Variants in CD44 observed in about 807,000 individuals in gnomAD.
CD44 encodes the protein CD44 antigen.
A neutral mutation model predicts 88.8 loss-of-function variants in CD44; 49 were observed. The observed-to-expected ratio is 0.55, with a 90% confidence interval of 0.44 to 0.70. The LOEUF (loss-of-function observed/expected upper bound fraction) is 0.70. CD44 is among the 30% of genes least tolerant of loss of function. The pLI, the probability that CD44 is intolerant of heterozygous loss-of-function variation, is 0.00. For synonymous variants in CD44, 325 were observed against 312.3 expected (o/e 1.04, Z -0.43); for missense variants, 883 against 913.8 (o/e 0.97, Z 0.43).
intron 5 of CD44, among the ~76,000 whole-genome samples, chr11:35,194,622 C>T (rs548690822): frequency 3.9e-5 from 6 of 152,290 alleles, no homozygotes; most frequent in South Asian, 2.1e-4. Context: ...TCCATTATCA[C>T]GTCAAATCTC....
intron 13 of CD44, chr11:35,210,328 T>C (rs1948273417): frequency 9.3e-6 from 2 of 214,626 alleles, no homozygotes; most frequent in Non-Finnish European, 1.8e-5. Context: ...TGCTTATATA[T>C]GATTTATTTT....
intron 16 of CD44, among the ~76,000 whole-genome samples, chr11:35,219,677 C>T (rs1949128827): frequency 2.0e-5 from 3 of 152,172 alleles, no homozygotes; most frequent in Non-Finnish European, 4.4e-5. Flanking sequence ...AGCTTCCTTC[C>T]TAAATGAATG....
At chr11:35,225,421 CTG>C (rs1949630212) in intron 17 of CD44, among the ~76,000 whole-genome samples, 1 of 152,210 alleles carries the variant, frequency 6.6e-6, no homozygotes, top group South Asian at 2.1e-4. Context: ...TCCTTCCACA[CTG>C]TGTGATTGCT....
chr11:35,166,249 G>A (rs1274663422), intron 1 of CD44, among the ~76,000 whole-genome samples: 1 of 152,252 alleles, frequency 6.6e-6, no homozygotes, highest in South Asian at 2.1e-4. Context: ...ACACACAGGG[G>A]TGGGTACTGT....
chr11:35,173,623 T>C (rs1475634158), intron 1 of CD44, among the ~76,000 whole-genome samples: 2 of 152,220 alleles, frequency 1.3e-5, no homozygotes, highest in East Asian at 3.8e-4. Context: ...CTTTTCAAGT[T>C]CCATTTCTTG....
chr11:35,164,485 A>G (rs1341885233), intron 1 of CD44, among the ~76,000 whole-genome samples: 2 of 152,248 alleles, frequency 1.3e-5, no homozygotes, highest in Non-Finnish European at 2.9e-5. Context: ...AGAGGAAAGA[A>G]AATCAAATTT....
intron 1 of CD44, among the ~76,000 whole-genome samples, chr11:35,152,571 T>C (rs1249418467): frequency 6.6e-6 from 1 of 152,222 alleles, no homozygotes; most frequent in Non-Finnish European, 1.5e-5. Flanking sequence ...TGAAAGTGTT[T>C]TGTGCTAGTA....
intron 14 of CD44, chr11:35,213,701 GTGATGGTGATGGTGATGGTGATAA>G (rs1406705821): frequency 6.6e-6 from 1 of 152,132 alleles, no homozygotes; most frequent in African/African-American, 2.4e-5. Flanking sequence ...GGTGGTGGTG[GTGATGGTGATGGTGATGGTGATAA>G]TGATGGTGAT....
intron 11 of CD44, among the ~76,000 whole-genome samples, chr11:35,206,938 T>G (rs1047643061): frequency 6.6e-6 from 1 of 152,192 alleles, no homozygotes; most frequent in Non-Finnish European, 1.5e-5. Flanking sequence ...ATTAATTCTA[T>G]GTACTGATGA....
At chr11:35,186,950 GCT>G in intron 4 of CD44, 50 bp downstream of exon 4, 1 of 1,071,502 alleles carries the variant, frequency 9.3e-7, no homozygotes, top group African/African-American at 1.6e-5. Context: ...TGGGGAAAGG[GCT>G]CAGGTGTGTT....
At chr11:35,211,548 A>G (rs921624373) in intron 14 of CD44, 99 bp downstream of exon 14, 23 of 843,070 alleles carry the variant, frequency 2.7e-5, no homozygotes, top group Non-Finnish European at 3.8e-5. Context: ...CTGGGATTGG[A>G]CTAGTTTGTG....
At chr11:35,191,663 C>T (rs1242271384) in intron 5 of CD44, among the ~76,000 whole-genome samples, 7 of 152,164 alleles carry the variant, frequency 4.6e-5, no homozygotes, top group Non-Finnish European at 7.4e-5. Context: ...TACCACTTCC[C>T]ACCAAAGAAG....
rs1308126149 is a variant in CD44 at position 35,206,248 on chromosome 11, T to C, written c.1414+5T>C. 1.3e-6 allele frequency: 2 copies of C among 1,593,598 alleles called. No individual in the cohort carries two copies. Among genetic ancestry groups the C allele is most frequent in the East Asian group, 2.3e-5 (1 of 44,294 alleles). The stretch of plus-strand genomic sequence containing the variant: ...ATCAAGCAGGAAGAAGGATGGGTAA[T>C]AGCCTCTGAGATTTTTATATATTAT... On this transcript the variant is annotated splice_donor_5th_base_variant and intron_variant, in intron 11 of 17. Transcript: ENST00000428726.
In CD44 at chr11:35,210,004, G is replaced by A; in HGVS notation, c.1556G>A (p.Gly519Asp). The A allele has an allele frequency of 6.4e-7, 1 of 1,573,048 alleles. No individual in the cohort carries two copies. Among genetic ancestry groups the A allele is most frequent in the East Asian group, 2.4e-5 (1 of 41,674 alleles). Residue 519 changes from glycine to aspartate, a missense_variant, in exon 13 of 18, where the codon GGC becomes GAC. Physicochemically the swap from Gly to Asp is moderately conservative, Grantham distance 94. Coordinates refer to ENST00000428726, the MANE Select transcript of CD44 (RefSeq NM_000610.4). ...CAGAGCTTCTCTACATCACATGAAG[G>A]CTTGGAAGAAGATAAAGACCATCCA... The part of the protein sequence containing the change: ...NSQSFSTSHE[G>D]LEEDKDHPTT...
At chr11:35,228,341 C>T (rs886273957) in intron 17 of CD44, among the ~76,000 whole-genome samples, 1 of 152,178 alleles carries the variant, frequency 6.6e-6, no homozygotes, top group Non-Finnish European at 1.5e-5. Context: ...GTTAGGAAAA[C>T]ATCACTATGG....
Position 35,214,871 on chromosome 11 carries a change from C to A in CD44, c.1830C>A (p.His610Gln). The change falls in exon 15 of 18, where the codon CAC becomes CAA. Residue 610 changes from histidine (H) to glutamine (Q), a missense_variant. This residue lies in a region of CD44 where 631 missense variants were observed against 590.9 expected (regional missense o/e 1.07). Transcript: ENST00000428726. Reference sequence around the variant, plus strand: ...TTACAGGAGACCAAGACACATTCCACCCCAGTGGGGGGTCCCATACCACTC... The same window carrying A: ...TTACAGGAGACCAAGACACATTCCAACCCAGTGGGGGGTCCCATACCACTC... ...RSLSGDQDTF[H>Q]PSGGSHTTHG... The A allele has an allele frequency of 6.4e-7, 1 of 1,556,990 alleles. No homozygotes were observed. The highest frequency in any genetic ancestry group is 1.2e-5 in the South Asian group (1 of 81,982).
At chr11:35,208,054 C>T in intron 11 of CD44, 51 bp from the exon 12 acceptor site, 1 of 1,100,290 alleles carries the variant, frequency 9.1e-7, no homozygotes, top group East Asian at 2.4e-5. Flanking sequence ...AAGCCACCTT[C>T]AGGTAGTGGT....
chr11:35,202,195 A>C (rs934096888), intron 9 of CD44, among the ~76,000 whole-genome samples: 16 of 152,166 alleles, frequency 1.1e-4, no homozygotes, highest in Non-Finnish European at 2.1e-4. Flanking sequence ...ATCTTTGATG[A>C]ATACAGTGTC....
chr11:35,220,843 T>C (rs886318741), intron 16 of CD44, among the ~76,000 whole-genome samples: 4 of 146,288 alleles, frequency 2.7e-5, no homozygotes, highest in African/African-American at 1.0e-4. Flanking sequence ...CTCGGCCCAC[T>C]GCAACCTCTG....
Sources: allele counts gnomAD v4.1 joint callset (sites outside exome capture counted in the v4.1 genomes callset), GRCh38; gene constraint gnomAD v4.1.1; regional missense constraint gnomAD v4.1.1; transcripts MANE v1.5; gene names NCBI Gene and HGNC (gene_info 2026-07-23, HGNC 2026-07-21).